Variants in MAPRE3 observed in about 807,000 individuals in gnomAD.
The protein encoded by MAPRE3 is microtubule-associated protein RP/EB family member 3.
A neutral mutation model predicts 30.5 loss-of-function variants in MAPRE3; 2 were observed. That is an observed-to-expected ratio of 0.07 (90% confidence interval 0.03 to 0.21). The LOEUF (loss-of-function observed/expected upper bound fraction) is 0.21. Ranked by LOEUF, MAPRE3 falls within the 10% of genes least tolerant of loss-of-function variation. The pLI is 1.00. For synonymous variants in MAPRE3, 110 were observed against 127.7 expected (o/e 0.86, Z 0.93); for missense variants, 204 against 351.8 (o/e 0.58, Z 3.36).
At chr2:27,001,557 T>C (rs1666600717) in intron 1 of MAPRE3, among the ~76,000 whole-genome samples, 4 of 152,294 alleles carry the variant, frequency 2.6e-5, no homozygotes, top group Admixed American at 2.0e-4. Flanking sequence ...ATATAATTGA[T>C]AGATAGGTAC....
At chr2:26,998,746 G>T (rs969492186) in intron 1 of MAPRE3, among the ~76,000 whole-genome samples, 1 of 152,206 alleles carries the variant, frequency 6.6e-6, no homozygotes, top group Non-Finnish European at 1.5e-5. Flanking sequence ...AGAGGAACAG[G>T]CTGGGAGTCA....
intron 1 of MAPRE3, among the ~76,000 whole-genome samples, chr2:27,011,028 A>G (rs1459074518): frequency 6.6e-6 from 1 of 152,194 alleles, no homozygotes; most frequent in Non-Finnish European, 1.5e-5. Flanking sequence ...TGGTAGCTTC[A>G]TTAAACAGGG....
At chr2:26,994,132 G>A (rs974890033) in intron 1 of MAPRE3, among the ~76,000 whole-genome samples, 2 of 152,186 alleles carry the variant, frequency 1.3e-5, no homozygotes, top group African/African-American at 2.4e-5. Flanking sequence ...TGAGGAAACT[G>A]ACACAATTCA....
chr2:26,993,752 C>G (rs1388654932), intron 1 of MAPRE3, among the ~76,000 whole-genome samples: 2 of 152,128 alleles, frequency 1.3e-5, no homozygotes, highest in Non-Finnish European at 2.9e-5. Context: ...TCAGCCTTAC[C>G]AACTCGATTT....
chr2:27,025,551 G>A (rs372590761), intron 4 of MAPRE3, 32 bp from the exon 5 acceptor site: 43 of 1,538,710 alleles, frequency 2.8e-5, no homozygotes, highest in Middle Eastern at 3.5e-4. Context: ...GTGGGCTCAC[G>A]TGGACTTACC....
intron 4 of MAPRE3, among the ~76,000 whole-genome samples, chr2:27,024,885 C>T (rs1471146922): frequency 1.3e-5 from 2 of 152,124 alleles, no homozygotes; most frequent in Non-Finnish European, 2.9e-5. Flanking sequence ...AGCCCCAGCC[C>T]GCGTCGGACC....
chr2:27,015,857 C>G lies in MAPRE3; in HGVS notation c.-7-6355C>G, dbSNP rs1160406270. Among the ~76,000 whole-genome samples the G allele has an allele frequency of 3.3e-5, 5 of 152,028 alleles. No homozygotes were observed. In the South Asian group the frequency reaches 6.2e-4, roughly 19 times the overall value. The stretch of plus-strand genomic sequence containing the variant: ...AAGGAAGCAGATGGTCTCTAGAAAC[C>G]CTTCTGACCATGGGTTAGTGGGATT... On this transcript the variant is annotated intron_variant, in intron 1 of 6. Coordinates refer to ENST00000233121, the MANE Select transcript of MAPRE3 (RefSeq NM_012326.4). The surrounding 1 kb of genome is among the most constrained non-coding windows in gnomAD (Gnocchi z 4.0).
At chr2:27,017,499 T>G (rs2148224322) in intron 1 of MAPRE3, among the ~76,000 whole-genome samples, 1 of 152,284 alleles carries the variant, frequency 6.6e-6, no homozygotes, top group African/African-American at 2.4e-5. Context: ...TTGACAAGAC[T>G]GGGTCAATGC....
intron 1 of MAPRE3, among the ~76,000 whole-genome samples, chr2:26,971,026 C>T (rs77875377): frequency 6.6e-6 from 1 of 152,078 alleles, no homozygotes; most frequent in African/African-American, 2.4e-5. Flanking sequence ...CTCCCCTTCC[C>T]TCCCCTCCCC....
In MAPRE3 at chr2:26,974,479, G is replaced by A. The variant is rs143527535; in HGVS notation, c.-8+3677G>A. Among the ~76,000 whole-genome samples the A allele has an allele frequency of 1.2e-4, 18 of 152,284 alleles. No homozygotes were observed. In the East Asian group the frequency reaches 2.7e-3, roughly 23 times the overall value. On this transcript the variant is annotated intron_variant, in intron 1 of 6. Transcript: ENST00000233121. ...TCTACTTCTTATCTGTGAGACTGCC[G>A]CATTCCAGAAAGCAAGGTGGAGAGG...
chr2:26,990,151 G>A (rs952487684), intron 1 of MAPRE3, among the ~76,000 whole-genome samples: 1 of 152,184 alleles, frequency 6.6e-6, no homozygotes, highest in Non-Finnish European at 1.5e-5. Context: ...TCCAGCCTGG[G>A]CGACAAAGCA....
At chr2:27,009,267 A>G (rs180801044) in intron 1 of MAPRE3, among the ~76,000 whole-genome samples, 1 of 152,330 alleles carries the variant, frequency 6.6e-6, no homozygotes, top group Admixed American at 6.5e-5. Flanking sequence ...TCCTGGTTTT[A>G]ATAATTGTTA....
At chr2:26,989,978 A>G (rs757836980) in intron 1 of MAPRE3, among the ~76,000 whole-genome samples, 28 of 152,208 alleles carry the variant, frequency 1.8e-4, no homozygotes, top group Non-Finnish European at 3.7e-4. Context: ...CAGGAGCTCA[A>G]GACAAGCCTA....
rs528496398 is a variant in MAPRE3, at chr2:27,007,201, A to G, written c.-7-15011A>G. 1.2e-4 allele frequency among the ~76,000 whole-genome samples: 18 copies of G among 152,320 alleles called. No homozygotes were observed. The South Asian group carries it at 1.9e-3, about 16-fold the overall frequency. On this transcript the variant is annotated intron_variant, in intron 1 of 6. Transcript: ENST00000233121. Reference sequence around the variant, plus strand: ...GTTCGTCTATATCTTGCATGTACAAATAGGTAGAAAGGTTTATGCTAATTA... The same window carrying G: ...GTTCGTCTATATCTTGCATGTACAAGTAGGTAGAAAGGTTTATGCTAATTA...
intron 1 of MAPRE3, among the ~76,000 whole-genome samples, chr2:26,987,085 G>T (rs1178377829): frequency 6.6e-6 from 1 of 152,114 alleles, no homozygotes; most frequent in African/African-American, 2.4e-5. Flanking sequence ...TTCTGCTCCT[G>T]CCTATCTCTC....
chr2:27,022,481 T>C, intron 2 of MAPRE3, 142 bp downstream of exon 2: 1 of 1,096,902 alleles, frequency 9.1e-7, no homozygotes, highest in Non-Finnish European at 1.3e-6. Flanking sequence ...CCTTAGGCGA[T>C]GTTGTTGTTG....
chr2:26,979,852 A>T (rs1384904613), intron 1 of MAPRE3, among the ~76,000 whole-genome samples: 3 of 152,202 alleles, frequency 2.0e-5, no homozygotes, highest in African/African-American at 7.2e-5. Flanking sequence ...TTTGGAAAGG[A>T]GTTGCTTTTT....
chr2:26,999,574 GC>G, intron 1 of MAPRE3, among the ~76,000 whole-genome samples: 1 of 134,304 alleles, frequency 7.4e-6, no homozygotes. Flanking sequence ...TGTGATCTCG[GC>G]TCACTGCAAC....
chr2:26,978,474 C>G (rs950731256), intron 1 of MAPRE3, among the ~76,000 whole-genome samples: 1 of 152,166 alleles, frequency 6.6e-6, no homozygotes, highest in Non-Finnish European at 1.5e-5. Flanking sequence ...TGACACTTAC[C>G]TGGGACTCTG....
Sources: allele counts gnomAD v4.1 joint callset (sites outside exome capture counted in the v4.1 genomes callset), GRCh38; gene constraint gnomAD v4.1.1; non-coding constraint Gnocchi (gnomAD v3.1); transcripts MANE v1.5; gene names NCBI Gene and HGNC (gene_info 2026-07-23, HGNC 2026-07-21).